The following RGS22 variants were observed in gnomAD, a reference collection of about 807,000 sequenced individuals.
RGS22 encodes regulator of G-protein signaling 22.
RGS22 carries 148 observed loss-of-function variants against 172.9 expected under a neutral mutation model. The ratio of observed to expected loss-of-function variants is 0.86; its 90% CI spans 0.75 to 0.98. The LOEUF (loss-of-function observed/expected upper bound fraction) is 0.98, where lower values mean the gene tolerates loss of function less well. Among genes scored for constraint, RGS22 ranks in the 50% least tolerant of loss-of-function variants. The pLI is 0.00. For synonymous variants in RGS22, 458 were observed against 480.2 expected (o/e 0.95, Z 0.60); for missense variants, 1,347 against 1,440.8 (o/e 0.93, Z 1.05).
At chr8:100,054,434 A>C in intron 9 of RGS22, 1 of 154,096 alleles carries the variant, frequency 6.5e-6, no homozygotes, top group Middle Eastern at 5.2e-4. Flanking sequence ...CTACAGAAAA[A>C]TTTTTCAAAT....
chr8:100,013,184 T>C (rs1816595816), intron 14 of RGS22, among the ~76,000 whole-genome samples: 1 of 151,948 alleles, frequency 6.6e-6, no homozygotes, highest in Non-Finnish European at 1.5e-5. Context: ...AGAGATGGGG[T>C]TTCACCATGT....
chr8:99,976,596 T>G (rs1032581610), intron 23 of RGS22, among the ~76,000 whole-genome samples: 16 of 152,182 alleles, frequency 1.1e-4, no homozygotes, highest in Non-Finnish European at 2.2e-4. Flanking sequence ...TTCCTGACTT[T>G]GTGATCCGCC....
intron 14 of RGS22, among the ~76,000 whole-genome samples, chr8:100,034,245 C>G (rs1819184303): frequency 6.6e-6 from 1 of 152,130 alleles, no homozygotes. Flanking sequence ...TCTCCTTAAG[C>G]TGATAAGCAA....
At chr8:99,975,136 A>C (rs1194795504) in intron 23 of RGS22, among the ~76,000 whole-genome samples, 1 of 151,190 alleles carries the variant, frequency 6.6e-6, no homozygotes, top group Non-Finnish European at 1.5e-5. Context: ...ACAGAGTGAG[A>C]CTCCATCTCA....
chr8:100,071,606 A>C, intron 5 of RGS22, 69 bp from the exon 6 acceptor site: 1 of 1,317,846 alleles, frequency 7.6e-7, no homozygotes, highest in Non-Finnish European at 1.0e-6. Flanking sequence ...AAAAAACCTA[A>C]AATTTTATGT....
intron 9 of RGS22, among the ~76,000 whole-genome samples, chr8:100,060,451 C>G (rs1586168410): frequency 7.4e-6 from 1 of 134,684 alleles, no homozygotes; most frequent in East Asian, 2.2e-4. Flanking sequence ...CGCACCCCAA[C>G]TTTATGAAAT....
At chr8:100,015,062 T>A (rs1015638006) in intron 14 of RGS22, among the ~76,000 whole-genome samples, 1 of 152,222 alleles carries the variant, frequency 6.6e-6, no homozygotes, top group Non-Finnish European at 1.5e-5. Context: ...GAAGACTTCA[T>A]CTAGCCCCAA....
chr8:100,072,880 A>C (rs2131853187), intron 4 of RGS22, among the ~76,000 whole-genome samples: 1 of 152,332 alleles, frequency 6.6e-6, no homozygotes, highest in East Asian at 1.9e-4. Flanking sequence ...AGAGGAGACA[A>C]ACCATAAGTG....
chr8:99,990,639 C>A (rs893108311), intron 20 of RGS22, among the ~76,000 whole-genome samples: 3 of 152,106 alleles, frequency 2.0e-5, no homozygotes, highest in African/African-American at 7.2e-5. Flanking sequence ...GAAAATAAAG[C>A]CCACCGCAGC....
At chr8:100,060,654 C>G (rs980781564) in intron 9 of RGS22, among the ~76,000 whole-genome samples, 3 of 151,418 alleles carry the variant, frequency 2.0e-5, no homozygotes, top group African/African-American at 7.3e-5. Context: ...AAACATTGCT[C>G]AAAGAAATCA....
rs534735354 is a variant in RGS22, at chr8:100,006,207, A to G, written c.2362-98T>C. ...AATACAGTTGCCAATAAAGGAAATT[A>G]TTTTCAAAGCAAAAGCAGGAAGATA... On this transcript the variant is annotated intron_variant, in intron 15 of 27. Transcript: ENST00000360863. 9.3e-5 allele frequency: 85 copies of G among 915,058 alleles called. 1 individual carries two copies. In the South Asian group the frequency reaches 1.3e-3, roughly 14 times the overall value. 56.7% of individuals were successfully genotyped at this position (915,058 alleles called of 1,614,324 possible). A position where few individuals can be genotyped will look rare whatever the true frequency, so the allele number is the denominator to read the frequency against.
intron 22 of RGS22, 91 bp downstream of exon 22, chr8:99,981,846 G>A: frequency 1.4e-5 from 17 of 1,181,742 alleles, no homozygotes; most frequent in Non-Finnish European, 2.0e-5. Flanking sequence ...ACAGGCGTGA[G>A]CCACCACGCC....
At chr8:100,040,454 G>C (rs531877451) in intron 12 of RGS22, among the ~76,000 whole-genome samples, 2 of 151,944 alleles carry the variant, frequency 1.3e-5, no homozygotes, top group South Asian at 4.2e-4. Flanking sequence ...TTTTAGCCTT[G>C]AAGTGCTGCT....
At chr8:100,070,797 T>TA (rs899741252) in intron 6 of RGS22, among the ~76,000 whole-genome samples, 3 of 152,052 alleles carry the variant, frequency 2.0e-5, no homozygotes, top group African/African-American at 4.8e-5. Context: ...ACTAATGCCT[T>TA]AAAATGAGAA....
At chr8:100,006,573 G>C (rs1223286592) in intron 15 of RGS22, among the ~76,000 whole-genome samples, 1 of 152,180 alleles carries the variant, frequency 6.6e-6, no homozygotes, top group Non-Finnish European at 1.5e-5. Flanking sequence ...CTCATAGCAG[G>C]TCTCTGTCTT....
chr8:100,062,499 T>G (rs558365633), intron 9 of RGS22, 92 bp downstream of exon 9: 2 of 793,068 alleles, frequency 2.5e-6, no homozygotes, highest in African/African-American at 3.6e-5. Context: ...ATTTTATGTT[T>G]CCATAAGTTA....
At position 99,986,260 on chromosome 8, in the gene RGS22, T is replaced by C. The variant is rs116020666; in HGVS notation, c.3180+1198A>G. ...AAAATTGTTTTTTAATATTATAGTC[T>C]CAGCTGAGAATAGTACAAAAACTGT... is the stretch of plus-strand genomic sequence containing the variant. On this transcript the variant is annotated intron_variant, in intron 21 of 27. Transcript: ENST00000360863. Among the ~76,000 whole-genome samples, 1,083 of 152,154 alleles carry C rather than the reference T, an allele frequency of 7.1e-3. 12 individuals are homozygous for C. The highest frequency in any genetic ancestry group is 0.025 in the African/African-American group (1,034 of 41,494).
intron 14 of RGS22, among the ~76,000 whole-genome samples, chr8:100,029,580 GTAATCCCAGCTA>G (rs924793171): frequency 6.6e-6 from 1 of 151,810 alleles, no homozygotes; most frequent in African/African-American, 2.4e-5. Context: ...GTGCACACCT[GTAATCCCAGCTA>G]CTTGGGAGGC....
chr8:100,101,349 T>C (rs957624807), intron 2 of RGS22, among the ~76,000 whole-genome samples: 2 of 151,034 alleles, frequency 1.3e-5, no homozygotes, highest in Admixed American at 6.6e-5. Flanking sequence ...TGTGGTGGCG[T>C]GATCTCAGCT....
Sources: gnomAD v4.1 joint callset for allele counts (sites outside exome capture counted in the v4.1 genomes callset) on GRCh38, gnomAD v4.1.1 for gene constraint, MANE v1.5 for transcripts, NCBI Gene and HGNC (gene_info 2026-07-23, HGNC 2026-07-21) for gene names.